Variants in ALMS1 observed in about 807,000 individuals in gnomAD.
The protein encoded by ALMS1 is ALMS1 centrosome and basal body associated protein.
In ALMS1, 271 loss-of-function variants were observed where a neutral mutation model predicts 352.2. The observed-to-expected ratio is 0.77, with a 90% CI of 0.70 to 0.85. ALMS1 has a LOEUF of 0.85. Among genes scored for constraint, ALMS1 ranks in the 40% least tolerant of loss-of-function variants. The pLI is 0.00. For missense variants in ALMS1, 5,445 were observed against 4,870.7 expected, an observed-to-expected ratio of 1.12 and a Z score of -3.51; for synonymous variants, 1,865 against 1,761.2, an observed-to-expected ratio of 1.06 and a Z score of -1.48.
chr2:73,460,277 A>G (rs537202927), intron 9 of ALMS1, among the ~76,000 whole-genome samples: 3 of 152,324 alleles, frequency 2.0e-5, no homozygotes, highest in Non-Finnish European at 2.9e-5. Context: ...TTAAATTTCC[A>G]TTATGATTTC....
chr2:73,423,766 T>C (rs1433253681), intron 4 of ALMS1, among the ~76,000 whole-genome samples: 2 of 152,106 alleles, frequency 1.3e-5, no homozygotes, highest in Non-Finnish European at 2.9e-5. Flanking sequence ...TTTCTCTTTC[T>C]CTTTTTGTTT....
chr2:73,573,967 G>A (rs972060420), intron 16 of ALMS1, among the ~76,000 whole-genome samples: 7 of 152,040 alleles, frequency 4.6e-5, no homozygotes, highest in Non-Finnish European at 1.0e-4. Context: ...GGAAAGACAA[G>A]TCAAAGCCAG....
At chr2:73,609,177 G>GTCACCC (rs1343938039) in intron 22 of ALMS1, among the ~76,000 whole-genome samples, 1 of 152,230 alleles carries the variant, frequency 6.6e-6, no homozygotes, top group Non-Finnish European at 1.5e-5. Flanking sequence ...CACCCTGTCA[G>GTCACCC]TCACCAGACT....
rs570699297 is a variant in ALMS1, at chr2:73,449,952, C to T, written c.3425C>T (p.Thr1142Ile). The change falls in exon 8 of 23, where the codon ACT becomes ATT. Residue 1142 changes from threonine (T) to isoleucine (I), a missense_variant. Physicochemically the swap from Thr to Ile is moderately conservative, Grantham distance 89. Transcript: ENST00000613296. Reference protein sequence around the residue: ...QKTGTPTVTSTSYSQHREKPS... With the variant: ...QKTGTPTVTSISYSQHREKPS... ...ACTGGCACACCAACTGTAACCTCAA[C>T]TTCCTACTCACAACATAGAGAAAAG... 2.5e-6 allele frequency: 4 copies of T among 1,614,042 alleles called. No individual in the cohort carries two copies. In the East Asian group the frequency reaches 8.9e-5, roughly 36 times the overall value.
chr2:73,484,301 T>C (rs1672779157), intron 9 of ALMS1, among the ~76,000 whole-genome samples: 1 of 151,646 alleles, frequency 6.6e-6, no homozygotes, highest in East Asian at 1.9e-4. Context: ...TTTGCTTGTC[T>C]GTAAAGGATT....
At chr2:73,541,722 A>G (rs558525556) in intron 12 of ALMS1, among the ~76,000 whole-genome samples, 19 of 152,362 alleles carry the variant, frequency 1.2e-4, no homozygotes, top group African/African-American at 4.3e-4. Context: ...AACTACCATC[A>G]GAGAATACTA....
chr2:73,535,060 A>G, intron 12 of ALMS1, 111 bp downstream of exon 12: 2 of 1,394,084 alleles, frequency 1.4e-6, no homozygotes, highest in African/African-American at 1.4e-5. Flanking sequence ...TCAGTGAAAT[A>G]TGGAACTTTT....
chr2:73,429,184 A>C (rs1018721649), intron 6 of ALMS1, among the ~76,000 whole-genome samples: 2 of 152,006 alleles, frequency 1.3e-5, no homozygotes, highest in African/African-American at 4.8e-5. Flanking sequence ...CTTTGCTGAA[A>C]CTAGACTACT....
chr2:73,533,980 C>T (rs892984429), intron 11 of ALMS1, among the ~76,000 whole-genome samples: 3 of 152,102 alleles, frequency 2.0e-5, no homozygotes, highest in Non-Finnish European at 4.4e-5. Context: ...TCTTTATTCA[C>T]AGAATTCTTT....
intron 11 of ALMS1, among the ~76,000 whole-genome samples, chr2:73,522,585 C>A (rs1673704795): frequency 6.6e-6 from 1 of 151,140 alleles, no homozygotes; most frequent in Non-Finnish European, 1.5e-5. Context: ...TCTCCTGCCT[C>A]AGCCTCCCAA....
At chr2:73,482,632 G>C (rs578101340) in intron 9 of ALMS1, among the ~76,000 whole-genome samples, 19 of 152,276 alleles carry the variant, frequency 1.2e-4, no homozygotes, top group Admixed American at 5.9e-4. Context: ...TCCATTGATT[G>C]GAATAGTTTC....
Position 73,572,567 on chromosome 2 carries a change from A to C in ALMS1, c.10690A>C (p.Lys3564Gln). The change falls in exon 16 of 23, where the codon AAA becomes CAA. Residue 3564 changes from lysine (K) to glutamine (Q), a missense_variant. Coordinates refer to ENST00000613296, the MANE Select transcript of ALMS1 (RefSeq NM_001378454.1). ...AAACAAAGAAGTGATGGATACTACT[A>C]AAAGTCAAGTTAGAGATTATCCAAA... Reference protein sequence around the residue: ...LGNKEVMDTTKSQVRDYPKHN... With the variant: ...LGNKEVMDTTQSQVRDYPKHN... The C allele has an allele frequency of 1.2e-6, 2 of 1,613,886 alleles. No homozygotes were observed. Among genetic ancestry groups the C allele is most frequent in the Non-Finnish European group, 1.7e-6 (2 of 1,179,992 alleles).
intron 9 of ALMS1, among the ~76,000 whole-genome samples, chr2:73,476,954 T>C (rs982876928): frequency 6.6e-6 from 1 of 152,118 alleles, no homozygotes; most frequent in Non-Finnish European, 1.5e-5. Context: ...GTTCCTATGG[T>C]ATTCAGTACA....
At chr2:73,534,688 G>C in intron 11 of ALMS1, 136 bp from the exon 12 acceptor site, 1 of 820,964 alleles carries the variant, frequency 1.2e-6, no homozygotes, top group South Asian at 1.7e-5. Context: ...CTTGAAGGCA[G>C]AGATACATTT....
chr2:73,482,898 T>G (rs1302375564), intron 9 of ALMS1, among the ~76,000 whole-genome samples: 1 of 152,194 alleles, frequency 6.6e-6, no homozygotes, highest in Non-Finnish European at 1.5e-5. Flanking sequence ...GATGGTAGTT[T>G]GTATTTCTGT....
chr2:73,536,877 C>A (rs182454987), intron 12 of ALMS1, among the ~76,000 whole-genome samples: 4 of 152,334 alleles, frequency 2.6e-5, no homozygotes, highest in Admixed American at 1.3e-4. Flanking sequence ...CCAAATCCCA[C>A]TAAGCACAGT....
chr2:73,390,543 A>G (rs1299394235), intron 1 of ALMS1, among the ~76,000 whole-genome samples: 1 of 152,202 alleles, frequency 6.6e-6, no homozygotes, highest in Non-Finnish European at 1.5e-5. Flanking sequence ...TTTGAAGCAA[A>G]ATATGACCAG....
rs1553398860 is a variant in ALMS1, at chr2:73,408,767, CTAACTTTTTTTTTTTGA to C, written c.450+24_450+40del. ...GATCAGGTATGTCTTCTGTAACTGG[CTAACTTTTTTTTTTTGA>C]TAAGCAGCACAAGAAATTCTGATTT... On this transcript the variant is annotated intron_variant, in intron 2 of 22. Transcript: ENST00000613296. 2 of 1,599,364 alleles carry C rather than the reference CTAACTTTTTTTTTTTGA, an allele frequency of 1.3e-6. No individual in the cohort carries two copies. Among genetic ancestry groups the C allele is most frequent in the East Asian group, 4.5e-5 (2 of 44,058 alleles).
chr2:73,426,481 C>A lies in ALMS1; in HGVS notation c.1266C>A (p.Asp422Glu), dbSNP rs1396189205. 6 of 1,613,902 alleles carry A rather than the reference C, an allele frequency of 3.7e-6. No individual in the cohort carries two copies. Among genetic ancestry groups the A allele is most frequent in the Non-Finnish European group, 5.1e-6 (6 of 1,179,962 alleles). The change falls in exon 6 of 23, where the codon GAC becomes GAA. Residue 422 changes from aspartate (D) to glutamate (E), a missense_variant. By Grantham distance (45) the Asp-to-Glu change is conservative (BLOSUM62 2). Transcript: ENST00000613296. ...TKGLQGKVES[D>E]VITLDGLNEN... is the part of the protein sequence containing the mutation. Reference sequence around the variant, plus strand: ...GCCTGCAGGGGAAGGTTGAGTCTGACGTCATTACTCTGGATGGCCTAAATG... The same window carrying A: ...GCCTGCAGGGGAAGGTTGAGTCTGAAGTCATTACTCTGGATGGCCTAAATG...
Sources: gnomAD v4.1 joint callset for allele counts (sites outside exome capture counted in the v4.1 genomes callset) on GRCh38, gnomAD v4.1.1 for gene constraint, MANE v1.5 for transcripts, NCBI Gene and HGNC (gene_info 2026-07-23, HGNC 2026-07-21) for gene names.